The following CECR2 variants were observed in gnomAD, a reference collection of about 807,000 sequenced individuals.
The protein encoded by CECR2 is chromatin remodeling regulator CECR2.
CECR2 carries 30 observed loss-of-function variants against 154.5 expected under a neutral mutation model. The observed-to-expected ratio is 0.19, with a 90% CI of 0.15 to 0.26. The LOEUF (loss-of-function observed/expected upper bound fraction) is 0.26. CECR2 is among the 10% of genes least tolerant of loss of function. The pLI is 1.00. For missense variants in CECR2, 1,743 were observed against 1,829.3 expected, an observed-to-expected ratio of 0.95 and a Z score of 0.86; for synonymous variants, 725 against 683.7, an observed-to-expected ratio of 1.06 and a Z score of -0.94.
At chr22:17,477,713 T>C (rs1339462458) in intron 2 of CECR2, 31 bp downstream of exon 2, 2 of 1,511,304 alleles carry the variant, frequency 1.3e-6, no homozygotes, top group Non-Finnish European at 1.8e-6. Context: ...TAAGCATTTC[T>C]TGCGCCAAGA....
At chr22:17,429,186 T>C (rs550303376) in intron 1 of CECR2, among the ~76,000 whole-genome samples, 1 of 151,120 alleles carries the variant, frequency 6.6e-6, no homozygotes, top group Non-Finnish European at 1.5e-5. Flanking sequence ...TGGTCTAGGG[T>C]GGATATGGAG....
intron 2 of CECR2, among the ~76,000 whole-genome samples, 175 bp from the exon 3 acceptor site, chr22:17,497,228 T>G (rs2055645704): frequency 6.6e-6 from 1 of 152,088 alleles, no homozygotes; most frequent in Non-Finnish European, 1.5e-5. Context: ...CCAGGAGAGC[T>G]GCAGTGAGCT....
rs1253687511 is a variant in CECR2 at position 17,391,750 on chromosome 22, G to A, written c.126+21841G>A. 3.9e-5 allele frequency among the ~76,000 whole-genome samples: 6 copies of A among 152,336 alleles called. No homozygotes were observed. The South Asian group carries it at 1.0e-3, about 26-fold the overall frequency. On this transcript the variant is annotated intron_variant, in intron 1 of 18. Coordinates refer to ENST00000262608, the MANE Select transcript of CECR2 (RefSeq NM_001290047.2). Reference sequence around the variant, plus strand: ...AATCAAAGTATAATGAAATAAAATTGTAAAAATATACCAATATAGTGTGCT... The same window carrying A: ...AATCAAAGTATAATGAAATAAAATTATAAAAATATACCAATATAGTGTGCT...
rs144622819 is a variant in CECR2, at chr22:17,450,524, C to T, written c.127-27064C>T. ...GACCTCGTGATTCTCCTGCCTCGGCCTCCCAAAGTGCTGGGATTACAGGCG... is the reference window on the plus strand; with the variant it reads ...GACCTCGTGATTCTCCTGCCTCGGCTTCCCAAAGTGCTGGGATTACAGGCG... On this transcript the variant is annotated intron_variant, in intron 1 of 18. Transcript: ENST00000262608. Among the ~76,000 whole-genome samples, 826 of 152,344 alleles carry T rather than the reference C, an allele frequency of 5.4e-3. 6 individuals carry two copies. Among genetic ancestry groups the T allele is most frequent in the Middle Eastern group, 0.02 (6 of 294 alleles).
rs576063159 is a variant in CECR2, at chr22:17,408,387, C to G, written c.126+38478C>G. Among the ~76,000 whole-genome samples, 5 of 152,258 alleles carry G rather than the reference C, an allele frequency of 3.3e-5. No homozygotes were observed. In the South Asian group the frequency reaches 1.0e-3, roughly 32 times the overall value. On this transcript the variant is annotated intron_variant, in intron 1 of 18. Coordinates refer to ENST00000262608, the MANE Select transcript of CECR2 (RefSeq NM_001290047.2). Reference sequence around the variant, plus strand: ...TGCTAGCTGTGTGATTTGGGCAAGTCATTCATCTGTTGTATGCCTCAGTTT... The same window carrying G: ...TGCTAGCTGTGTGATTTGGGCAAGTGATTCATCTGTTGTATGCCTCAGTTT...
chr22:17,394,901 G>A (rs997023456), intron 1 of CECR2, among the ~76,000 whole-genome samples: 34 of 152,018 alleles, frequency 2.2e-4, no homozygotes, highest in Non-Finnish European at 3.4e-4. Flanking sequence ...GAATAGAATT[G>A]TCTTATTTCA....
At chr22:17,410,288 A>T (rs993055825) in intron 1 of CECR2, among the ~76,000 whole-genome samples, 14 of 151,460 alleles carry the variant, frequency 9.2e-5, no homozygotes, top group African/African-American at 3.4e-4. Context: ...CCTGTCAACT[A>T]TTTTTTTTGT....
intron 1 of CECR2, among the ~76,000 whole-genome samples, chr22:17,471,089 T>C (rs144007622): frequency 2.0e-4 from 31 of 152,282 alleles, no homozygotes; most frequent in Middle Eastern, 3.4e-3. Flanking sequence ...GGTAAAAATA[T>C]CATCCCAAAC....
chr22:17,376,934 C>T (rs1222962619), intron 1 of CECR2, among the ~76,000 whole-genome samples: 1 of 152,170 alleles, frequency 6.6e-6, no homozygotes, highest in African/African-American at 2.4e-5. Flanking sequence ...CCGCTCCCAG[C>T]CCCTAAACAC....
intron 1 of CECR2, among the ~76,000 whole-genome samples, chr22:17,390,833 T>TC (rs1203654659): frequency 6.6e-6 from 1 of 152,042 alleles, no homozygotes. Flanking sequence ...GACTTTGATT[T>TC]TTTTAACTTT....
intron 2 of CECR2, 138 bp downstream of exon 2, chr22:17,477,820 G>A (rs796763892): frequency 4.4e-5 from 28 of 640,004 alleles, no homozygotes; most frequent in Middle Eastern, 5.4e-4. Context: ...GGACGTACAC[G>A]TAAATTTCCA....
At chr22:17,450,915 A>AT (rs2054758746) in intron 1 of CECR2, among the ~76,000 whole-genome samples, 1 of 152,108 alleles carries the variant, frequency 6.6e-6, no homozygotes, top group Non-Finnish European at 1.5e-5. Context: ...TCCTCATCTC[A>AT]TACCTGGATT....
chr22:17,369,393 C>G (rs1213992358), upstream of CECR2: 1 of 151,398 alleles, frequency 6.6e-6, no homozygotes, highest in Non-Finnish European at 1.5e-5. Flanking sequence ...GCGCGGGCAG[C>G]CCCGCCCCCT....
upstream of CECR2, among the ~76,000 whole-genome samples, chr22:17,367,495 CCTGCCT>C (rs1427932968): frequency 6.6e-6 from 1 of 152,074 alleles, no homozygotes; most frequent in Non-Finnish European, 1.5e-5. Context: ...AGGCGATTCT[CCTGCCT>C]CAGTCTCCCG....
At chr22:17,470,403 A>AG (rs2055106092) in intron 1 of CECR2, among the ~76,000 whole-genome samples, 1 of 151,614 alleles carries the variant, frequency 6.6e-6, no homozygotes, top group African/African-American at 2.4e-5. Flanking sequence ...AAAAAAAAAA[A>AG]AAAAAGAAAA....
intron 1 of CECR2, among the ~76,000 whole-genome samples, chr22:17,407,481 G>A (rs2008937): frequency 0.46 from 70,244 of 151,780 alleles, 17,105 homozygotes; most frequent in Non-Finnish European, 0.54. Flanking sequence ...TGTAATCCCA[G>A]CTACTGGGGA....
intron 1 of CECR2, among the ~76,000 whole-genome samples, chr22:17,442,842 T>C (rs1199399812): frequency 6.6e-6 from 1 of 152,184 alleles, no homozygotes; most frequent in African/African-American, 2.4e-5. Flanking sequence ...CCACCGCGCC[T>C]GGCCAATCAC....
At position 17,542,902 on chromosome 22, in the gene CECR2, C is replaced by G; in HGVS notation, c.2759C>G (p.Ala920Gly). ...PRLPGPFPQVAHPMSVTVSAP... is the reference protein window; with the variant it reads ...PRLPGPFPQVGHPMSVTVSAP... Reference sequence around the variant, plus strand: ...TTACCTGGCCCTTTTCCGCAGGTAGCTCACCCAATGTCAGTCACTGTGTCA... The same window carrying G: ...TTACCTGGCCCTTTTCCGCAGGTAGGTCACCCAATGTCAGTCACTGTGTCA... Residue 920 changes from alanine to glycine, a missense_variant, in exon 16 of 19, where the codon GCT (alanine) becomes GGT (glycine). Around this residue, in one of 4 missense-constraint regions of CECR2, gnomAD observed 1,250 missense variants for 1,192.1 expected, o/e 1.05. Coordinates refer to ENST00000262608, the MANE Select transcript of CECR2 (RefSeq NM_001290047.2). 6.2e-7 allele frequency: 1 copy of G among 1,613,964 alleles called. No homozygotes were observed. Among genetic ancestry groups the G allele is most frequent in the Non-Finnish European group, 8.5e-7 (1 of 1,179,890 alleles).
intron 7 of CECR2, among the ~76,000 whole-genome samples, chr22:17,511,508 T>C (rs2055951838): frequency 7.2e-6 from 1 of 137,982 alleles, no homozygotes; most frequent in African/African-American, 2.8e-5. Context: ...CTTTGTAATT[T>C]GGGAAGATAA....
Sources: gnomAD v4.1 joint callset for allele counts (sites outside exome capture counted in the v4.1 genomes callset) on GRCh38, gnomAD v4.1.1 for gene constraint, gnomAD v4.1.1 regional missense constraint, MANE v1.5 for transcripts, NCBI Gene and HGNC (gene_info 2026-07-23, HGNC 2026-07-21) for gene names.